Variants in ABCA7 observed in about 807,000 individuals in gnomAD.
The protein encoded by ABCA7 is phospholipid-transporting ATPase ABCA7.
ABCA7 carries 261 observed loss-of-function variants against 227.6 expected under a neutral mutation model. The ratio of observed to expected loss-of-function variants is 1.15; its 90% confidence interval spans 1.04 to 1.27. The LOEUF (loss-of-function observed/expected upper bound fraction) is 1.27, where lower values mean the gene tolerates loss of function less well. ABCA7 is among the 50% of genes most tolerant of loss of function. ABCA7 has a pLI of 0.00. For synonymous variants in ABCA7, 1,488 were observed against 1,279.7 expected, an observed-to-expected ratio of 1.16 and a Z score of -3.47; for missense variants, 3,331 against 2,924.5, an observed-to-expected ratio of 1.14 and a Z score of -3.21.
rs2042878414 is a variant in ABCA7, at chr19:1,064,148, C to T, written c.5952-13C>T. ...CCCGGCCTCACGGAGCTCGTGGTGC[C>T]GGGTCCCGACAGCATGGAGGAGTGT... On this transcript the variant is annotated splice_polypyrimidine_tract_variant and intron_variant, in intron 44 of 46. Coordinates refer to ENST00000263094, the MANE Select transcript of ABCA7 (RefSeq NM_019112.4). The T allele has an allele frequency of 1.3e-6, 2 of 1,548,858 alleles. No individual in the cohort carries two copies. Among genetic ancestry groups the T allele is most frequent in the South Asian group, 1.2e-5 (1 of 84,054 alleles).
Position 1,046,196 on chromosome 19 carries a change from T to C in ABCA7, c.1446-34T>C, listed in dbSNP as rs965148126. 1.8e-5 allele frequency: 29 copies of C among 1,599,394 alleles called. No homozygotes were observed. In the Admixed American group the frequency reaches 4.4e-4, roughly 24 times the overall value. On this transcript the variant is annotated intron_variant, in intron 12 of 46. Transcript: ENST00000263094. ...GTGGGGCCCCGGGAGTTTCTAGCCCTTCCCTACAACCGGCCACCATGCCCC... is the reference window on the plus strand; with the variant it reads ...GTGGGGCCCCGGGAGTTTCTAGCCCCTCCCTACAACCGGCCACCATGCCCC...
At chr19:1,049,082 C>A in intron 17 of ABCA7, 77 bp downstream of exon 17, 1 of 951,594 alleles carries the variant, frequency 1.1e-6, no homozygotes, top group Non-Finnish European at 1.6e-6. Context: ...CCACAGATGC[C>A]AATGACAATG....
chr19:1,062,892 G>T (rs1465791208), intron 42 of ABCA7, among the ~76,000 whole-genome samples: 18 of 114,484 alleles, frequency 1.6e-4, no homozygotes, highest in African/African-American at 3.6e-4. Flanking sequence ...ACTCATGCTG[G>T]CTCCACCCAC....
chr19:1,047,839 C>T (rs553209774), intron 16 of ABCA7, among the ~76,000 whole-genome samples, 185 bp downstream of exon 16: 1 of 151,698 alleles, frequency 6.6e-6, no homozygotes, highest in Non-Finnish European at 1.5e-5. Flanking sequence ...GGCAGGTGGG[C>T]GGGGTTTCTG....
At chr19:1,059,422 G>A (rs1158618396) in intron 40 of ABCA7, among the ~76,000 whole-genome samples, 3 of 148,306 alleles carry the variant, frequency 2.0e-5, no homozygotes, top group Admixed American at 1.4e-4. Context: ...CCACCACCAC[G>A]CCCGGCTAAT....
chr19:1,044,942 C>T lies in ABCA7; in HGVS notation c.1216-60C>T, dbSNP rs944900994. On this transcript the variant is annotated intron_variant, in intron 11 of 46. Coordinates refer to ENST00000263094, the MANE Select transcript of ABCA7 (RefSeq NM_019112.4). ...CAGCCCCGAGGTCCAGGGGGAGGAG[C>T]GGAGTGGTCTAGGAGGCAGGCGGAC... is the stretch of plus-strand genomic sequence containing the variant. 5.1e-6 allele frequency: 8 copies of T among 1,575,478 alleles called. No individual in the cohort carries two copies. The Admixed American group carries it at 8.5e-5, about 17-fold the overall frequency.
intron 10 of ABCA7, 53 bp from the exon 11 acceptor site, chr19:1,044,524 G>A: frequency 6.3e-7 from 1 of 1,574,820 alleles, no homozygotes; most frequent in Admixed American, 1.8e-5. Context: ...TGGGATTACA[G>A]GCATGAGCCA....
rs746167040 is a variant in ABCA7, at chr19:1,041,614, C to T, written c.160+11C>T. ...TGGAGCACCATGAATGTGAGCCCCC[C>T]CAGGGACCAGGCACTTTGTGTGTGT... is the stretch of plus-strand genomic sequence containing the variant. On this transcript the variant is annotated intron_variant, in intron 3 of 46. Transcript: ENST00000263094. The T allele has an allele frequency of 5.6e-6, 9 of 1,609,790 alleles. No individual in the cohort carries two copies. The Admixed American group carries it at 6.7e-5, about 12-fold the overall frequency.
At position 1,062,645 on chromosome 19, in the gene ABCA7, C is replaced by T. The variant is rs563664920; in HGVS notation, c.5712+332C>T. Reference sequence around the variant, plus strand: ...CTTCTGCCTACCCCCTAGGGCTTCGCGCCTTTCTCGCTGGGGTCACGGTCA... The same window carrying T: ...CTTCTGCCTACCCCCTAGGGCTTCGTGCCTTTCTCGCTGGGGTCACGGTCA... On this transcript the variant is annotated intron_variant, in intron 42 of 46. Coordinates refer to ENST00000263094, the MANE Select transcript of ABCA7 (RefSeq NM_019112.4). Among the ~76,000 whole-genome samples, 97 of 152,090 alleles carry T rather than the reference C, an allele frequency of 6.4e-4. 1 individual carries two copies. Among genetic ancestry groups the T allele is most frequent in the African/African-American group, 2.3e-3 (94 of 41,466 alleles).
intron 40 of ABCA7, 158 bp downstream of exon 40, chr19:1,059,243 ATAT>A (rs1180831833): frequency 2.2e-5 from 7 of 313,254 alleles, no homozygotes; most frequent in East Asian, 1.2e-4. Context: ...TTATTTTATT[ATAT>A]TATTATTTAT....
rs1469076514 is a variant in ABCA7 at position 1,041,572 on chromosome 19, C to G, written c.129C>G (p.Arg43=). 6.2e-7 allele frequency: 1 copy of G among 1,612,654 alleles called. No individual in the cohort carries two copies. The highest frequency in any genetic ancestry group is 1.3e-5 in the African/African-American group (1 of 74,918). The change falls in exon 3 of 47, where the codon CGC becomes CGG. Residue 43 remains arginine, a synonymous_variant. Coordinates refer to ENST00000263094, the MANE Select transcript of ABCA7 (RefSeq NM_019112.4). ...TCTTCTTCATCCTGGTGGCTGTTCG[C>G]CACTCCCACCCGCCCCTGGAGCACC... ...LFLFFILVAV[R]HSHPPLEHHE...
In ABCA7 at chr19:1,057,998, A is replaced by AC; in HGVS notation, c.4966dup (p.Leu1656ProfsTer15). On this transcript the variant is annotated frameshift_variant, in exon 36 of 47. Coordinates refer to ENST00000263094, the MANE Select transcript of ABCA7 (RefSeq NM_019112.4). LOFTEE classifies it high-confidence loss of function. Reference sequence around the variant, plus strand: ...GCCTATGTGGTGCTCACCTGCATAAACCTCTTTATTGGCATCAATGGAAGC... The same window carrying AC: ...GCCTATGTGGTGCTCACCTGCATAAACCCTCTTTATTGGCATCAATGGAAGC... The AC allele has an allele frequency of 6.2e-7, 1 of 1,613,898 alleles. No homozygotes were observed. Among genetic ancestry groups the AC allele is most frequent in the African/African-American group, 1.3e-5 (1 of 74,970 alleles).
At chr19:1,059,556 C>T (rs2868065) in intron 40 of ABCA7, among the ~76,000 whole-genome samples, 58,521 of 146,910 alleles carry the variant, frequency 0.4, 11,476 homozygotes, top group Middle Eastern at 0.48. Context: ...TGAGCCACCA[C>T]ACCTGCCCTA....
At chr19:1,048,509 AC>A (rs67548377) in intron 16 of ABCA7, among the ~76,000 whole-genome samples, 36,610 of 77,194 alleles carry the variant, frequency 0.47, 13,259 homozygotes, top group Non-Finnish European at 0.52. Flanking sequence ...AAAAAAAAAA[AC>A]AAAAAAAAAA....
chr19:1,053,465 G>T lies in ABCA7; in HGVS notation c.3357G>T (p.Glu1119Asp). 1 of 1,597,290 alleles carries T rather than the reference G, an allele frequency of 6.3e-7. No homozygotes were observed. The highest frequency in any genetic ancestry group is 8.5e-7 in the Non-Finnish European group (1 of 1,174,182). The change falls in exon 24 of 47, where the codon GAG becomes GAT. Residue 1119 changes from glutamate (E) to aspartate (D), a missense_variant. Glu to Asp is a conservative substitution (Grantham distance 45, BLOSUM62 2). Transcript: ENST00000263094. The stretch of plus-strand genomic sequence containing the variant: ...GCAGCTTCGCCACACTCTTCCGAGA[G>T]CTAGACACGCGGCTGGCGGAGCTGA... ...HDGSFATLFR[E>D]LDTRLAELRL...
rs1410966785 is a variant in ABCA7, at chr19:1,054,761, C to A, written c.3852-19C>A. The stretch of plus-strand genomic sequence containing the variant: ...ACCTGGGGGTACAGCCCTGACCCTA[C>A]ATCTCCCCTCACACACAGTGAGGAC... On this transcript the variant is annotated intron_variant, in intron 28 of 46. Transcript: ENST00000263094. This position sits in a 1 kb window ranked among gnomAD's most constrained non-coding sequence, Gnocchi z 4.8. The A allele has an allele frequency of 1.0e-5, 16 of 1,607,226 alleles. No individual in the cohort carries two copies. The highest frequency in any genetic ancestry group is 1.2e-5 in the Non-Finnish European group (14 of 1,176,676).
chr19:1,049,469 C>CA, intron 18 of ABCA7, 32 bp downstream of exon 18: 1 of 1,098,050 alleles, frequency 9.1e-7, no homozygotes, highest in South Asian at 1.8e-5. Flanking sequence ...CCCCGTGAGC[C>CA]CCCCCACTCC....
rs139648246 is a variant in ABCA7 at position 1,054,394 on chromosome 19, C to G, written c.3726+53C>G. On this transcript the variant is annotated intron_variant, in intron 27 of 46. Coordinates refer to ENST00000263094, the MANE Select transcript of ABCA7 (RefSeq NM_019112.4). The surrounding 1 kb of genome is among the most constrained non-coding windows in gnomAD (Gnocchi z 4.8). The stretch of plus-strand genomic sequence containing the variant: ...CATGGGAGTCCCTGAGTTCCCTACC[C>G]TGGCCGTCCACTCAGTGGCCTAATC... 547 of 1,559,684 alleles carry G rather than the reference C, an allele frequency of 3.5e-4. 2 individuals carry two copies. The African/African-American group carries it at 5.7e-3, about 16-fold the overall frequency.
At position 1,052,038 on chromosome 19, in the gene ABCA7, G is replaced by C. The variant is rs769870429; in HGVS notation, c.3059G>C (p.Gly1020Ala). 1.2e-5 allele frequency: 20 copies of C among 1,612,220 alleles called. No homozygotes were observed. In the South Asian group the frequency reaches 2.2e-4, roughly 18 times the overall value. The change falls in exon 22 of 47, where the codon GGC becomes GCC. Residue 1020 changes from glycine to alanine, a missense_variant. Coordinates refer to ENST00000263094, the MANE Select transcript of ABCA7 (RefSeq NM_019112.4). ...VVAGGRLCCC[G>A]SPLFLRRHLG... ...GCAGGTGGCCGCTTGTGCTGCTGTG[G>C]CTCCCCACTCTTCCTGCGCCGTCAC...
Sources: gnomAD v4.1 joint callset for allele counts (sites outside exome capture counted in the v4.1 genomes callset) on GRCh38, gnomAD v4.1.1 for gene constraint, Gnocchi (gnomAD v3.1) non-coding constraint, MANE v1.5 for transcripts, NCBI Gene and HGNC (gene_info 2026-07-23, HGNC 2026-07-21) for gene names.